Variants in PIK3CD observed in about 807,000 individuals in gnomAD.
PIK3CD encodes the protein phosphatidylinositol-4,5-bisphosphate 3-kinase catalytic subunit delta.
In PIK3CD, 20 loss-of-function variants were observed where a neutral mutation model predicts 122.9. That is an observed-to-expected ratio of 0.16 (90% confidence interval 0.11 to 0.24). PIK3CD has a LOEUF of 0.24. Ranked by LOEUF, PIK3CD falls within the 10% of genes least tolerant of loss-of-function variation. The pLI is 1.00. For synonymous variants in PIK3CD, 596 were observed against 593.4 expected (o/e 1.00, Z -0.06); for missense variants, 787 against 1,406.3 (o/e 0.56, Z 7.04).
At position 9,671,232 on chromosome 1, in the gene PIK3CD, C is replaced by G. The variant is rs143866704; in HGVS notation, c.-138+19430C>G. ...TTCCCACCGCAGCCTCCCAAGTAGC[C>G]AAGAGTACAGGTTCATGCCATCACA... On this transcript the variant is annotated intron_variant, in intron 1 of 23. Coordinates refer to ENST00000377346, the MANE Select transcript of PIK3CD (RefSeq NM_005026.5). Among the ~76,000 whole-genome samples the G allele has an allele frequency of 2.8e-4, 43 of 152,102 alleles. No individual in the cohort carries two copies. The East Asian group carries it at 7.9e-3, about 28-fold the overall frequency.
chr1:9,713,654 A>T (rs1468356075), intron 3 of PIK3CD, among the ~76,000 whole-genome samples: 1 of 151,960 alleles, frequency 6.6e-6, no homozygotes, highest in Non-Finnish European at 1.5e-5. Flanking sequence ...GCAGTGGCAT[A>T]ATCCTAGCTC....
In PIK3CD at chr1:9,679,072, T is replaced by TTC. The variant is rs567187933; in HGVS notation, c.-137-12394_-137-12393insCT. Reference sequence around the variant, plus strand: ...GGGTAGTCAGGAGAAACTTTTTTTTTTTTTTTTTTTTTTGAGATGGAGTCT... The same window carrying TTC: ...GGGTAGTCAGGAGAAACTTTTTTTTTTCTTTTTTTTTTTTTGAGATGGAGTCT... On this transcript the variant is annotated intron_variant, in intron 1 of 23. Coordinates refer to ENST00000377346, the MANE Select transcript of PIK3CD (RefSeq NM_005026.5). Among the ~76,000 whole-genome samples the TTC allele has an allele frequency of 3.6e-4, 54 of 149,224 alleles. 2 individuals carry two copies. In the South Asian group the frequency reaches 0.011, roughly 32 times the overall value.
At chr1:9,691,671 C>G (rs1193191588) in intron 2 of PIK3CD, 100 bp downstream of exon 2, 10 of 395,280 alleles carry the variant, frequency 2.5e-5, no homozygotes, top group Non-Finnish European at 4.5e-5. Flanking sequence ...CCCCGACTCT[C>G]CAGCCAAAGG....
intron 1 of PIK3CD, among the ~76,000 whole-genome samples, chr1:9,686,682 C>T (rs1381299154): frequency 1.3e-5 from 2 of 152,182 alleles, no homozygotes; most frequent in African/African-American, 4.8e-5. Flanking sequence ...TGGTAAAATT[C>T]ATTTATCCAC....
At position 9,727,333 on chromosome 1, in the gene PIK3CD, T is replaced by C; in HGVS notation, c.*287T>C. The C allele has an allele frequency of 2.0e-6, 1 of 500,496 alleles. No individual in the cohort carries two copies. The highest frequency in any genetic ancestry group is 3.7e-6 in the Non-Finnish European group (1 of 273,820). 31.0% of individuals were successfully genotyped at this position (500,496 alleles called of 1,614,324 possible). ...CCCCAAGTCTTCCAGCTGGTGGATC[T>C]GGGCCCAGCAAAGACTGTTCTCCTC... On this transcript the variant is annotated 3_prime_UTR_variant, in exon 24 of 24. Coordinates refer to ENST00000377346, the MANE Select transcript of PIK3CD (RefSeq NM_005026.5).
the PIK3CD span, among the ~76,000 whole-genome samples, chr1:9,644,881 T>C: frequency 6.6e-6 from 1 of 152,112 alleles, no homozygotes; most frequent in Non-Finnish European, 1.5e-5. Flanking sequence ...CCCCATTTGA[T>C]GGAAGAGAAA....
the PIK3CD span, among the ~76,000 whole-genome samples, chr1:9,634,207 G>T: frequency 6.9e-6 from 1 of 145,468 alleles, no homozygotes; most frequent in Non-Finnish European, 1.5e-5. Flanking sequence ...AGACTGGAGT[G>T]CAGTGACATG....
chr1:9,718,853 C>T lies in PIK3CD; in HGVS notation c.1180C>T (p.Leu394=), dbSNP rs1647995675. The part of the protein sequence containing the change: ...LPRMARLCFA[L]YAVIEKAKKA... ...CCGCATGGCCCGTCTCTGCTTTGCG[C>T]TGTACGCCGTGATCGAGAAAGCCAA... is the stretch of plus-strand genomic sequence containing the variant. Residue 394 remains leucine (L), a synonymous_variant, in exon 9 of 24, where the codon CTG becomes TTG. Transcript: ENST00000377346. This position sits in a 1 kb window ranked among gnomAD's most constrained non-coding sequence, Gnocchi z 7.2. The T allele has an allele frequency of 6.2e-7, 1 of 1,613,062 alleles. No individual in the cohort carries two copies. Among genetic ancestry groups the T allele is most frequent in the African/African-American group, 1.3e-5 (1 of 74,932 alleles).
chr1:9,685,354 C>T (rs1384504987), intron 1 of PIK3CD, among the ~76,000 whole-genome samples: 3 of 151,634 alleles, frequency 2.0e-5, no homozygotes, highest in Non-Finnish European at 4.4e-5. Flanking sequence ...TTTGGTTATA[C>T]TTAATTTATT....
chr1:9,716,398 G>C, intron 5 of PIK3CD, 42 bp from the exon 6 acceptor site: 2 of 1,600,086 alleles, frequency 1.2e-6, no homozygotes, highest in Non-Finnish European at 1.7e-6. Context: ...AGAACCCCGG[G>C]GGGCCTCGAG....
At chr1:9,706,978 ATT>A (rs373772007) in intron 2 of PIK3CD, among the ~76,000 whole-genome samples, 6 of 139,732 alleles carry the variant, frequency 4.3e-5, no homozygotes, top group Admixed American at 7.1e-5. Flanking sequence ...CTAATTTTTA[ATT>A]TTTTTTTTTT....
chr1:9,659,938 G>A (rs990529011), intron 1 of PIK3CD, among the ~76,000 whole-genome samples: 13 of 151,872 alleles, frequency 8.6e-5, no homozygotes, highest in Non-Finnish European at 2.9e-5. Context: ...TTTTTGAGAC[G>A]GATTTTTGCT....
intron 1 of PIK3CD, among the ~76,000 whole-genome samples, chr1:9,683,961 CCTT>C (rs1250194464): frequency 6.6e-6 from 1 of 152,166 alleles, no homozygotes; most frequent in African/African-American, 2.4e-5. Flanking sequence ...CATGGTTTCT[CCTT>C]CTGGCTTGCT....
At chr1:9,692,289 T>G (rs568707888) in intron 2 of PIK3CD, among the ~76,000 whole-genome samples, 46 of 152,308 alleles carry the variant, frequency 3.0e-4, no homozygotes, top group African/African-American at 1.1e-3. Flanking sequence ...CTGGAGACGC[T>G]ACTGTCATTT....
intron 1 of PIK3CD, chr1:9,654,124 C>T (rs1320058745): frequency 1.7e-6 from 2 of 1,198,364 alleles, no homozygotes; most frequent in Non-Finnish European, 2.3e-6. Context: ...ACTAAGCTAG[C>T]CTCCTTCTGA....
At chr1:9,726,770 A>T (rs1649706544) in intron 23 of PIK3CD, 139 bp from the exon 24 acceptor site, 1 of 1,100,706 alleles carries the variant, frequency 9.1e-7, no homozygotes. Context: ...GTGGGAGCGG[A>T]ATAGAGAGCT....
At position 9,724,843 on chromosome 1, in the gene PIK3CD, G is replaced by A; in HGVS notation, c.2904G>A (p.Arg968=). 1 of 1,613,904 alleles carries A rather than the reference G, an allele frequency of 6.2e-7. No homozygotes were observed. The highest frequency in any genetic ancestry group is 8.5e-7 in the Non-Finnish European group (1 of 1,180,052). Residue 968 remains arginine (R), a synonymous_variant, in exon 23 of 24, where the codon CGG becomes CGA. Transcript: ENST00000377346. This position sits in a 1 kb window ranked among gnomAD's most constrained non-coding sequence, Gnocchi z 7.3. ...GYCERAYTIL[R]RHGLLFLHLF... is the part of the protein sequence containing the mutation. Reference sequence around the variant, plus strand: ...GTGAAAGGGCCTACACCATCCTGCGGCGCCACGGGCTTCTCTTCCTCCACC... The same window carrying A: ...GTGAAAGGGCCTACACCATCCTGCGACGCCACGGGCTTCTCTTCCTCCACC...
At chr1:9,682,970 A>G (rs921787402) in intron 1 of PIK3CD, among the ~76,000 whole-genome samples, 1 of 151,692 alleles carries the variant, frequency 6.6e-6, no homozygotes, top group Non-Finnish European at 1.5e-5. Flanking sequence ...GTAACCCATC[A>G]TAGGGGTGAC....
At chr1:9,682,785 G>A (rs977830579) in intron 1 of PIK3CD, among the ~76,000 whole-genome samples, 10 of 152,172 alleles carry the variant, frequency 6.6e-5, no homozygotes, top group African/African-American at 2.4e-4. Flanking sequence ...CCTGACCTCA[G>A]GTGATCCACC....
Sources: allele counts gnomAD v4.1 joint callset (sites outside exome capture counted in the v4.1 genomes callset), GRCh38; gene constraint gnomAD v4.1.1; non-coding constraint Gnocchi (gnomAD v3.1); transcripts MANE v1.5; gene names NCBI Gene and HGNC (gene_info 2026-07-23, HGNC 2026-07-21).